The following MDN1 variants were observed in gnomAD, a reference collection of about 807,000 sequenced individuals.
MDN1 encodes midasin AAA ATPase 1, also known as midasin.
Under a neutral mutation model 669.2 loss-of-function variants are expected in MDN1, and 266 were observed. That is an observed-to-expected ratio of 0.40 (90% CI 0.36 to 0.44). The LOEUF (loss-of-function observed/expected upper bound fraction) is 0.44, where lower values mean the gene tolerates loss of function less well. Ranked by LOEUF, MDN1 falls within the 20% of genes least tolerant of loss-of-function variation. The pLI is 1.00. For missense variants in MDN1, 5,940 were observed against 6,754.0 expected (o/e 0.88, Z 4.22); for synonymous variants, 2,385 against 2,457.1 (o/e 0.97, Z 0.87).
chr6:89,745,043 G>T (rs1197954620), intron 29 of MDN1, among the ~76,000 whole-genome samples: 9 of 144,084 alleles, frequency 6.2e-5, no homozygotes, highest in African/African-American at 2.3e-4. Flanking sequence ...TGCCATGTTG[G>T]TTTGCTGCAC....
intron 77 of MDN1, 66 bp downstream of exon 77, chr6:89,676,036 G>C (rs1811155465): frequency 6.9e-7 from 1 of 1,455,642 alleles, no homozygotes; most frequent in Admixed American, 1.7e-5. Context: ...TGAGAATACA[G>C]CCCTGGGATG....
chr6:89,763,008 C>T (rs1437420931), intron 15 of MDN1, among the ~76,000 whole-genome samples: 3 of 152,112 alleles, frequency 2.0e-5, no homozygotes, highest in South Asian at 2.1e-4. Flanking sequence ...GCCAAGAACA[C>T]GCCACTGCCA....
Position 89,706,167 on chromosome 6 carries a change from G to A in MDN1, c.8040C>T (p.Pro2680=). 6.2e-7 allele frequency: 1 copy of A among 1,613,346 alleles called. No individual in the cohort carries two copies. The highest frequency in any genetic ancestry group is 8.5e-7 in the Non-Finnish European group (1 of 1,179,516). Residue 2680 remains proline (P), a synonymous_variant, in exon 53 of 102, where the codon CCC becomes CCT. Coordinates refer to ENST00000369393, the MANE Select transcript of MDN1 (RefSeq NM_014611.3). ...HQDPESYHTL[P]HEIVVNLAAF... is the part of the protein sequence containing the mutation. The stretch of plus-strand genomic sequence containing the variant: ...CAGCAAGATTGACCACAATTTCATG[G>A]GGCAGAGTGTGATAGCTTTCTGGAT...
chr6:89,690,051 G>A lies in MDN1; in HGVS notation c.10842C>T (p.Leu3614=). The change falls in exon 65 of 102, where the codon CTC becomes CTT. Residue 3614 remains leucine (L), a synonymous_variant. Transcript: ENST00000369393. Reference sequence around the variant, plus strand: ...CTGCCTGCATTGAATTCTGGGAGAGGAGAGCTGGGTTTGTGCCTGCTTCCT... The same window carrying A: ...CTGCCTGCATTGAATTCTGGGAGAGAAGAGCTGGGTTTGTGCCTGCTTCCT... The part of the protein sequence containing the change: ...QEEEAGTNPA[L]LSQNSMQAVM... The A allele has an allele frequency of 6.2e-7, 1 of 1,614,188 alleles. No individual in the cohort carries two copies. Among genetic ancestry groups the A allele is most frequent in the African/African-American group, 1.3e-5 (1 of 75,040 alleles).
Position 89,708,627 on chromosome 6 carries a change from A to C in MDN1, c.7767T>G (p.Asp2589Glu). ...GGGGATCCAGAGGGATCACAAATTC[A>C]TCTAGTTTAAAAACAGAACAAAACA... The part of the protein sequence containing the change: ...VFKILQPNTT[D>E]EFVIPLDPRW... The change falls in exon 51 of 102, where the codon GAT becomes GAG. Residue 2589 changes from aspartate (D) to glutamate (E), a missense_variant and splice_region_variant. By Grantham distance (45) the Asp-to-Glu change is conservative. This residue lies in a region of MDN1 where 2,292 missense variants were observed against 2,638.3 expected (regional missense o/e 0.87). Coordinates refer to ENST00000369393, the MANE Select transcript of MDN1 (RefSeq NM_014611.3). 2 of 1,612,938 alleles carry C rather than the reference A, an allele frequency of 1.2e-6. No homozygotes were observed. Among genetic ancestry groups the C allele is most frequent in the South Asian group, 2.2e-5 (2 of 90,634 alleles).
At chr6:89,735,768 T>C (rs890189381) in intron 33 of MDN1, among the ~76,000 whole-genome samples, 2 of 152,184 alleles carry the variant, frequency 1.3e-5, no homozygotes, top group African/African-American at 4.8e-5. Flanking sequence ...ACACCTATAA[T>C]CCCAGCACTT....
intron 75 of MDN1, 41 bp downstream of exon 75, chr6:89,678,557 GT>G (rs771810269): frequency 5.0e-6 from 8 of 1,599,668 alleles, no homozygotes; most frequent in Non-Finnish European, 8.5e-7. Context: ...CTCCCTAAAA[GT>G]TGGTGACTAC....
At chr6:89,712,478 C>T in intron 48 of MDN1, 97 bp downstream of exon 48, 1 of 1,242,876 alleles carries the variant, frequency 8.0e-7, no homozygotes, top group East Asian at 2.3e-5. Flanking sequence ...TAAATGGCCA[C>T]AGAATGCTCC....
chr6:89,780,499 A>G (rs1818613649), intron 10 of MDN1, among the ~76,000 whole-genome samples: 1 of 152,134 alleles, frequency 6.6e-6, no homozygotes, highest in African/African-American at 2.4e-5. Flanking sequence ...TAAAATTTAA[A>G]AACAAAACAA....
intron 37 of MDN1, 68 bp from the exon 38 acceptor site, chr6:89,725,464 A>G (rs1815155837): frequency 7.8e-7 from 1 of 1,275,504 alleles, no homozygotes; most frequent in South Asian, 1.2e-5. Context: ...AAGCAGGGGA[A>G]TAATATGCAG....
intron 1 of MDN1, among the ~76,000 whole-genome samples, chr6:89,813,339 C>T (rs1768574585): frequency 6.6e-6 from 1 of 152,124 alleles, no homozygotes; most frequent in Non-Finnish European, 1.5e-5. Context: ...CACCTGAGTT[C>T]AGGAGTTCAA....
chr6:89,643,938 A>G lies in MDN1; in HGVS notation c.*67T>C. 1.5e-6 allele frequency: 2 copies of G among 1,338,304 alleles called. No individual in the cohort carries two copies. Among genetic ancestry groups the G allele is most frequent in the South Asian group, 1.7e-5 (1 of 60,374 alleles). 82.9% of individuals were successfully genotyped at this position (1,338,304 alleles called of 1,614,324 possible). On this transcript the variant is annotated 3_prime_UTR_variant, in exon 102 of 102. Transcript: ENST00000369393. ...AATTTTTTGTAGTTGTCCAAAAGGG[A>G]GCACCTGGGTAAGCAATGTGACCTT...
intron 50 of MDN1, among the ~76,000 whole-genome samples, chr6:89,708,896 A>G (rs895761675): frequency 2.0e-5 from 3 of 152,028 alleles, no homozygotes; most frequent in South Asian, 2.1e-4. Flanking sequence ...AATCCCTACT[A>G]GAATACAACA....
At chr6:89,650,415 GACACATTTTTAAAAATT>G (rs1808770204) in intron 96 of MDN1, among the ~76,000 whole-genome samples, 1 of 152,168 alleles carries the variant, frequency 6.6e-6, no homozygotes, top group East Asian at 1.9e-4. Context: ...GGTCCTTCCA[GACACATTTTTAAAAATT>G]AGGAAAAAAT....
intron 9 of MDN1, among the ~76,000 whole-genome samples, chr6:89,784,580 C>A (rs1402961787): frequency 6.6e-6 from 1 of 152,058 alleles, no homozygotes; most frequent in Non-Finnish European, 1.5e-5. Context: ...GAAACTGAAT[C>A]AATGTAGAAA....
At chr6:89,717,413 AAAACTGT>A (rs1254922288) in intron 43 of MDN1, among the ~76,000 whole-genome samples, 21 of 152,236 alleles carry the variant, frequency 1.4e-4, no homozygotes, top group African/African-American at 5.1e-4. Context: ...TGCTAACTGT[AAAACTGT>A]AGGCAAGTAA....
At chr6:89,775,797 T>C (rs982294836) in intron 12 of MDN1, among the ~76,000 whole-genome samples, 12 of 152,172 alleles carry the variant, frequency 7.9e-5, no homozygotes, top group Admixed American at 2.6e-4. Context: ...GTGATTCTCC[T>C]GCTTCAGCCT....
Position 89,754,211 on chromosome 6 carries a change from T to G in MDN1, c.2836A>C (p.Lys946Gln). ...GIINFYTALR[K>Q]ESGTKLVDGT... is the part of the protein sequence containing the mutation. ...TCCACCAGTTTGGTCCCAGACTCTT[T>G]CCGCAAAGCTGTGTAGAAGCTACAA... is the stretch of plus-strand genomic sequence containing the variant. Residue 946 changes from lysine to glutamine, a missense_variant, in exon 21 of 102, where the codon AAA becomes CAA. Lys to Gln is a moderately conservative substitution (Grantham distance 53). This residue lies in a region of MDN1 where 1,203 missense variants were observed against 1,268.9 expected (regional missense o/e 0.95). Transcript: ENST00000369393. The G allele has an allele frequency of 6.2e-7, 1 of 1,613,914 alleles. No individual in the cohort carries two copies. The highest frequency in any genetic ancestry group is 8.5e-7 in the Non-Finnish European group (1 of 1,179,872).
chr6:89,726,373 C>T (rs888404691), intron 37 of MDN1, among the ~76,000 whole-genome samples: 3 of 149,794 alleles, frequency 2.0e-5, no homozygotes, highest in African/African-American at 7.4e-5. Context: ...AGGAGATTCA[C>T]GATTCAGTTG....
Sources: gnomAD v4.1 joint callset for allele counts (sites outside exome capture counted in the v4.1 genomes callset) on GRCh38, gnomAD v4.1.1 for gene constraint, gnomAD v4.1.1 regional missense constraint, MANE v1.5 for transcripts, NCBI Gene and HGNC (gene_info 2026-07-23, HGNC 2026-07-21) for gene names.